Variants in PTPRT observed in about 807,000 individuals in gnomAD.
The protein encoded by PTPRT is receptor-type tyrosine-protein phosphatase T.
Under a neutral mutation model 176.8 loss-of-function variants are expected in PTPRT, and 56 were observed. That is an observed-to-expected ratio of 0.32 (90% CI 0.26 to 0.40). PTPRT has a LOEUF of 0.40. Among genes scored for constraint, PTPRT ranks in the 10% least tolerant of loss-of-function variants. PTPRT has a pLI of 1.00. For synonymous variants in PTPRT, 783 were observed against 739.0 expected, an observed-to-expected ratio of 1.06 and a Z score of -0.96; for missense variants, 1,540 against 1,908.2, an observed-to-expected ratio of 0.81 and a Z score of 3.60.
intron 1 of PTPRT, among the ~76,000 whole-genome samples, chr20:43,024,100 C>G (rs1415253691): frequency 6.6e-6 from 1 of 152,202 alleles, no homozygotes; most frequent in Non-Finnish European, 1.5e-5. Context: ...GGCACAGTGC[C>G]TGGGTGCAAA....
chr20:42,841,759 A>G (rs1038993621), intron 2 of PTPRT, among the ~76,000 whole-genome samples: 3 of 152,258 alleles, frequency 2.0e-5, no homozygotes, highest in African/African-American at 7.2e-5. Flanking sequence ...AACTATTACA[A>G]GAGATATATC....
intron 6 of PTPRT, among the ~76,000 whole-genome samples, chr20:42,704,163 A>G (rs2076016329): frequency 6.6e-6 from 1 of 152,072 alleles, no homozygotes; most frequent in Non-Finnish European, 1.5e-5. Context: ...ATCTTGCTCT[A>G]CTATTATCCC....
chr20:43,032,572 A>C (rs922627183), intron 1 of PTPRT, among the ~76,000 whole-genome samples: 14 of 151,746 alleles, frequency 9.2e-5, no homozygotes, highest in Admixed American at 3.3e-4. Flanking sequence ...CCATTTTTGT[A>C]CCTGTTTATG....
intron 2 of PTPRT, among the ~76,000 whole-genome samples, chr20:42,823,416 A>T (rs981953029): frequency 7.2e-5 from 11 of 152,086 alleles, no homozygotes; most frequent in Admixed American, 1.3e-4. Context: ...GAGGGAACTT[A>T]GAGGATGGGT....
intron 9 of PTPRT, among the ~76,000 whole-genome samples, chr20:42,433,208 G>A (rs1555850006): frequency 2.0e-5 from 3 of 152,098 alleles, no homozygotes; most frequent in Non-Finnish European, 2.9e-5. Flanking sequence ...TAATGCTGAC[G>A]TCCCTGCAGA....
intron 1 of PTPRT, among the ~76,000 whole-genome samples, chr20:42,926,116 G>C (rs1358915988): frequency 6.6e-6 from 1 of 152,204 alleles, no homozygotes; most frequent in Non-Finnish European, 1.5e-5. Flanking sequence ...GCCAGCCTGT[G>C]GGTCTGACCT....
chr20:42,883,748 ATACC>A (rs2079050892), intron 2 of PTPRT, among the ~76,000 whole-genome samples: 29 of 660 alleles, frequency 0.044, no homozygotes, highest in South Asian at 0.14. Context: ...ACTCTCACAC[ATACC>A]CATACACATG....
chr20:42,516,143 C>T (rs1163098616), intron 7 of PTPRT, among the ~76,000 whole-genome samples: 1 of 149,148 alleles, frequency 6.7e-6, no homozygotes, highest in Non-Finnish European at 1.5e-5. Context: ...TTGGGAGATA[C>T]ACCTAAGGCT....
At chr20:42,061,696 T>C in the PTPRT span, among the ~76,000 whole-genome samples, 1 of 152,204 alleles carries the variant, frequency 6.6e-6, no homozygotes, top group African/African-American at 2.4e-5. Context: ...CCACTGTTCC[T>C]GCCACCCAGC....
chr20:42,056,331 T>C, the PTPRT span, among the ~76,000 whole-genome samples: 1 of 152,186 alleles, frequency 6.6e-6, no homozygotes, highest in African/African-American at 2.4e-5. Context: ...AAAATATATA[T>C]ATTTGGATCT....
chr20:42,367,413 A>T (rs1001734709), intron 9 of PTPRT, among the ~76,000 whole-genome samples: 3 of 152,252 alleles, frequency 2.0e-5, no homozygotes, highest in Admixed American at 6.5e-5. Context: ...TCTCTTGGGC[A>T]GTATCAGTAG....
intron 7 of PTPRT, among the ~76,000 whole-genome samples, chr20:42,531,666 C>T (rs894288847): frequency 1.3e-5 from 2 of 152,286 alleles, no homozygotes; most frequent in African/African-American, 4.8e-5. Flanking sequence ...AAGAATAACG[C>T]CACGTGCAAG....
chr20:42,535,675 A>T (rs1286254554), intron 7 of PTPRT, among the ~76,000 whole-genome samples: 1 of 152,182 alleles, frequency 6.6e-6, no homozygotes, highest in Non-Finnish European at 1.5e-5. Flanking sequence ...GGGAGGCACC[A>T]GATTAGTTAA....
At chr20:43,090,076 T>C (rs1457866970) in intron 1 of PTPRT, among the ~76,000 whole-genome samples, 2 of 152,024 alleles carry the variant, frequency 1.3e-5, no homozygotes, top group Non-Finnish European at 2.9e-5. Context: ...ATTCCTAAAA[T>C]GAATAAACAA....
chr20:42,421,236 C>T (rs2059115438), intron 9 of PTPRT, among the ~76,000 whole-genome samples: 1 of 150,796 alleles, frequency 6.6e-6, no homozygotes, highest in African/African-American at 2.4e-5. Context: ...AGTTCCTGAC[C>T]CCCTAACATA....
rs746883951 is a variant in PTPRT, at chr20:42,303,226, G to T, written c.2139+12497C>A. On this transcript the variant is annotated intron_variant, in intron 12 of 30. Transcript: ENST00000373187. The stretch of plus-strand genomic sequence containing the variant: ...GAGCTGTAATTACTAATTGATGTTT[G>T]TAAAGTCTTTGAAATTCTCAGGTGA... Among the ~76,000 whole-genome samples, 4 of 152,176 alleles carry T rather than the reference G, an allele frequency of 2.6e-5. No individual in the cohort carries two copies. In the South Asian group the frequency reaches 6.2e-4, roughly 24 times the overall value.
chr20:42,806,571 G>C (rs1285034115), intron 2 of PTPRT, among the ~76,000 whole-genome samples: 2 of 151,918 alleles, frequency 1.3e-5, no homozygotes, highest in East Asian at 3.9e-4. Flanking sequence ...TAGTAGAAAG[G>C]CTGACAAACT....
At chr20:42,853,623 G>A (rs2078513358) in intron 2 of PTPRT, among the ~76,000 whole-genome samples, 1 of 152,160 alleles carries the variant, frequency 6.6e-6, no homozygotes, top group South Asian at 2.1e-4. Flanking sequence ...TCGAACGATT[G>A]GATTAAGCTT....
At chr20:42,963,442 C>A (rs1363979824) in intron 1 of PTPRT, among the ~76,000 whole-genome samples, 1 of 150,792 alleles carries the variant, frequency 6.6e-6, no homozygotes, top group African/African-American at 2.4e-5. Flanking sequence ...ATAAAAACAA[C>A]CTAACCAAAT....
Sources: allele counts gnomAD v4.1 joint callset (sites outside exome capture counted in the v4.1 genomes callset), GRCh38; gene constraint gnomAD v4.1.1; transcripts MANE v1.5; gene names NCBI Gene and HGNC (gene_info 2026-07-23, HGNC 2026-07-21).